The following DNAH12 variants were observed in gnomAD, a reference collection of about 807,000 sequenced individuals.
DNAH12 encodes the protein axonemal beta dynein heavy chain 12.
In DNAH12, 285 loss-of-function variants were observed where a neutral mutation model predicts 371.5. The ratio of observed to expected loss-of-function variants is 0.77; its 90% CI spans 0.70 to 0.85. The LOEUF is 0.85. DNAH12 is among the 40% of genes least tolerant of loss of function. The pLI is 0.00. For missense variants in DNAH12, 3,611 were observed against 3,689.4 expected (o/e 0.98, Z 0.55); for synonymous variants, 1,200 against 1,213.0 (o/e 0.99, Z 0.22).
chr3:57,361,468 A>ATC (rs1553664362), intron 58 of DNAH12, among the ~76,000 whole-genome samples: 2 of 141,654 alleles, frequency 1.4e-5, no homozygotes, highest in Admixed American at 6.9e-5. Context: ...ATATATATAT[A>ATC]TATCTCATTC....
In DNAH12 at chr3:57,469,837, G is replaced by C. The variant is rs186646061; in HGVS notation, c.2105+606C>G. Among the ~76,000 whole-genome samples, 387 of 152,246 alleles carry C rather than the reference G, an allele frequency of 2.5e-3. 3 individuals are homozygous for C. The highest frequency in any genetic ancestry group is 1.9e-3 in the Non-Finnish European group (131 of 68,024). On this transcript the variant is annotated intron_variant, in intron 16 of 73. Coordinates refer to ENST00000495027, the MANE Select transcript of DNAH12 (RefSeq NM_001366028.2). Reference sequence around the variant, plus strand: ...AGACACTGGGAACTACTAGAGGTGGGAGAGAGGGAGGGGAGCAAGGGCTGA... The same window carrying C: ...AGACACTGGGAACTACTAGAGGTGGCAGAGAGGGAGGGGAGCAAGGGCTGA...
At chr3:57,298,698 T>C (rs527927310) in intron 70 of DNAH12, among the ~76,000 whole-genome samples, 1 of 152,362 alleles carries the variant, frequency 6.6e-6, no homozygotes, top group South Asian at 2.1e-4. Context: ...ACTTAAATGC[T>C]ACCTCATCCA....
At position 57,309,131 on chromosome 3, in the gene DNAH12, C is replaced by G. The variant is rs961155936; in HGVS notation, c.11189+20G>C. 4.8e-5 allele frequency: 71 copies of G among 1,483,748 alleles called. No homozygotes were observed. The highest frequency in any genetic ancestry group is 6.1e-5 in the Non-Finnish European group (68 of 1,105,800). 91.9% of individuals were successfully genotyped at this position (1,483,748 alleles called of 1,614,324 possible). A position where few individuals can be genotyped will look rare whatever the true frequency, so the allele number is the denominator to read the frequency against. The stretch of plus-strand genomic sequence containing the variant: ...AAGAAGACAGTTGCCTTCTGAATCA[C>G]TGGGGATATAGATCCTTACTTGTTA... On this transcript the variant is annotated intron_variant, in intron 69 of 73. Coordinates refer to ENST00000495027, the MANE Select transcript of DNAH12 (RefSeq NM_001366028.2).
At chr3:57,523,538 T>A in intron 4 of DNAH12, 45 bp downstream of exon 4, 1 of 1,519,204 alleles carries the variant, frequency 6.6e-7, no homozygotes, top group East Asian at 2.3e-5. Context: ...TTGCAATAAT[T>A]TCTTTGAACA....
At chr3:57,450,230 A>G (rs1353259412) in intron 25 of DNAH12, among the ~76,000 whole-genome samples, 1 of 128,946 alleles carries the variant, frequency 7.8e-6, no homozygotes, top group Non-Finnish European at 1.6e-5. Context: ...CCTGGGTGAC[A>G]GAGTGAGACT....
intron 37 of DNAH12, among the ~76,000 whole-genome samples, chr3:57,416,057 G>C (rs1452360918): frequency 2.6e-5 from 4 of 151,938 alleles, no homozygotes; most frequent in African/African-American, 9.7e-5. Context: ...CAAAGTGCTG[G>C]GATTACAGGC....
At chr3:57,342,915 A>C (rs1315669437) in intron 60 of DNAH12, among the ~76,000 whole-genome samples, 3 of 152,022 alleles carry the variant, frequency 2.0e-5, no homozygotes, top group Non-Finnish European at 4.4e-5. Context: ...AAAAAGAAAA[A>C]TACAAAAATT....
At chr3:57,348,450 A>T (rs1437918605) in intron 60 of DNAH12, among the ~76,000 whole-genome samples, 1 of 152,190 alleles carries the variant, frequency 6.6e-6, no homozygotes, top group Admixed American at 6.6e-5. Flanking sequence ...CAAAATTGAT[A>T]GGTGTATAAT....
At position 57,421,656 on chromosome 3, in the gene DNAH12, T is replaced by C; in HGVS notation, c.5424A>G (p.Thr1808=). The change falls in exon 36 of 74, where the codon ACA becomes ACG. Residue 1808 remains threonine (T), a synonymous_variant. Transcript: ENST00000495027. ...LIWSIGGSCD[T]DGRRVFDTFI... is the part of the protein sequence containing the mutation. ...AAGTATCAAAAACACGACGGCCATC[T>C]GTATCACAACTTCCTCCAATCGACC... is the stretch of plus-strand genomic sequence containing the variant. 2 of 1,551,676 alleles carry C rather than the reference T, an allele frequency of 1.3e-6. No individual in the cohort carries two copies. The highest frequency in any genetic ancestry group is 2.0e-5 in the Admixed American group (1 of 51,008).
intron 25 of DNAH12, among the ~76,000 whole-genome samples, chr3:57,448,154 A>G (rs547147009): frequency 4.3e-4 from 66 of 152,336 alleles, no homozygotes; most frequent in Admixed American, 1.2e-3. Flanking sequence ...CACTGACTTC[A>G]AGAATGAAGC....
intron 9 of DNAH12, among the ~76,000 whole-genome samples, chr3:57,502,694 C>T (rs6769357): frequency 0.42 from 64,374 of 151,962 alleles, 15,225 homozygotes; most frequent in South Asian, 0.58. Flanking sequence ...GGATTACAGG[C>T]GCACGCCACC....
intron 12 of DNAH12, among the ~76,000 whole-genome samples, chr3:57,487,046 G>T (rs2153384665): frequency 6.6e-6 from 1 of 152,222 alleles, no homozygotes; most frequent in African/African-American, 2.4e-5. Context: ...GTGGTAATAA[G>T]CTTGGCATAC....
At chr3:57,495,662 A>G (rs1181990273) in intron 11 of DNAH12, among the ~76,000 whole-genome samples, 3 of 146,150 alleles carry the variant, frequency 2.1e-5, no homozygotes, top group Non-Finnish European at 4.5e-5. Flanking sequence ...ATAAATATAT[A>G]AATATTTCTT....
At chr3:57,551,849 A>G in the DNAH12 span, among the ~76,000 whole-genome samples, 2 of 152,062 alleles carry the variant, frequency 1.3e-5, no homozygotes, top group Non-Finnish European at 2.9e-5. Flanking sequence ...GGGAAAAATG[A>G]AAAAAAGACA....
rs1462206966 is a variant in DNAH12 at position 57,523,864 on chromosome 3, T to C, written c.191A>G (p.Asn64Ser). The C allele has an allele frequency of 6.2e-7, 1 of 1,604,192 alleles. No homozygotes were observed. Among genetic ancestry groups the C allele is most frequent in the African/African-American group, 1.3e-5 (1 of 74,734 alleles). Residue 64 changes from asparagine (N) to serine (S), a missense_variant, in exon 3 of 74, where the codon AAT (asparagine) becomes AGT (serine). By Grantham distance (46) the Asn-to-Ser change is conservative (BLOSUM62 1). Around this residue, in one of 3 missense-constraint regions of DNAH12, gnomAD observed 1,314 missense variants for 1,398.7 expected, o/e 0.94. Transcript: ENST00000495027. ...NQLVIDGAKR[N>S]LDRTLGKRTP... is the part of the protein sequence containing the mutation. The stretch of plus-strand genomic sequence containing the variant: ...TCTTTTACCCAGTGTTCTGTCTAAA[T>C]TTCTTTTGGCTCCATCAATTCTGAA...
At position 57,421,586 on chromosome 3, in the gene DNAH12, G is replaced by A. The variant is rs1160973228; in HGVS notation, c.5494C>T (p.Pro1832Ser). ...CATTCCCATTTACCCACAGAATCTG[G>A]CACTGGGTTTTCATCATCTTTTCCC... The part of the protein sequence containing the change: ...ILGKDDENPV[P>S]DSVGKWECPF... The change falls in exon 36 of 74, where the codon CCA becomes TCA. Residue 1832 changes from proline (P) to serine (S), a missense_variant. Pro to Ser is a moderately conservative substitution (Grantham distance 74). This residue lies in a region of DNAH12 where 2,266 missense variants were observed against 2,236.9 expected (regional missense o/e 1.01). Transcript: ENST00000495027. The A allele has an allele frequency of 6.4e-7, 1 of 1,551,532 alleles. No homozygotes were observed. Among genetic ancestry groups the A allele is most frequent in the Non-Finnish European group, 8.7e-7 (1 of 1,146,960 alleles).
At chr3:57,521,256 T>C (rs2068429328) in intron 4 of DNAH12, among the ~76,000 whole-genome samples, 1 of 152,074 alleles carries the variant, frequency 6.6e-6, no homozygotes, top group African/African-American at 2.4e-5. Flanking sequence ...TTTAGTTAAT[T>C]TTTGTACAAG....
intron 60 of DNAH12, 51 bp from the exon 61 acceptor site, chr3:57,334,991 A>G: frequency 1.3e-6 from 2 of 1,504,318 alleles, no homozygotes; most frequent in East Asian, 4.9e-5. Flanking sequence ...TTAAAATTGA[A>G]TGATGTCAAC....
rs865995339 is a variant in DNAH12, at chr3:57,432,478, C to G, written c.4980+889G>C. On this transcript the variant is annotated intron_variant, in intron 32 of 73. Transcript: ENST00000495027. ...AACAGGCGTGAGCCACCGCGCCCGG[C>G]CTTGAGTGTATCTTTAAATGCTAAT... is the stretch of plus-strand genomic sequence containing the variant. Among the ~76,000 whole-genome samples, 5 of 150,896 alleles carry G rather than the reference C, an allele frequency of 3.3e-5. No individual in the cohort carries two copies. The Middle Eastern group carries it at 0.01, about 310-fold the overall frequency.
Sources: gnomAD v4.1 joint callset for allele counts (sites outside exome capture counted in the v4.1 genomes callset) on GRCh38, gnomAD v4.1.1 for gene constraint, gnomAD v4.1.1 regional missense constraint, MANE v1.5 for transcripts, NCBI Gene and HGNC (gene_info 2026-07-23, HGNC 2026-07-21) for gene names.